Variants in JMY observed in about 807,000 individuals in gnomAD.
JMY encodes junction-mediating and -regulatory protein.
In JMY, 46 loss-of-function variants were observed where a neutral mutation model predicts 103.3. That is an observed-to-expected ratio of 0.45 (90% CI 0.35 to 0.57). The LOEUF (loss-of-function observed/expected upper bound fraction) is 0.57, where lower values mean the gene tolerates loss of function less well. JMY is among the 20% of genes least tolerant of loss of function. The pLI is 0.00. For synonymous variants in JMY, 526 were observed against 489.3 expected, an observed-to-expected ratio of 1.07 and a Z score of -0.99; for missense variants, 1,238 against 1,255.2, an observed-to-expected ratio of 0.99 and a Z score of 0.21.
At chr5:79,290,842 C>T (rs1306958163) in intron 3 of JMY, among the ~76,000 whole-genome samples, 16 of 151,948 alleles carry the variant, frequency 1.1e-4, no homozygotes, top group African/African-American at 3.6e-4. Flanking sequence ...AAAAATTAGC[C>T]GGGCATGGTG....
intron 2 of JMY, among the ~76,000 whole-genome samples, chr5:79,286,915 A>G (rs1318041844): frequency 6.6e-6 from 1 of 152,228 alleles, no homozygotes; most frequent in African/African-American, 2.4e-5. Context: ...GTACTTCCAG[A>G]GGAAGCAATT....
At position 79,314,421 on chromosome 5, in the gene JMY, G is replaced by T; in HGVS notation, c.2229G>T (p.Lys743Asn). 2 of 1,614,170 alleles carry T rather than the reference G, an allele frequency of 1.2e-6. No homozygotes were observed. The highest frequency in any genetic ancestry group is 2.7e-5 in the African/African-American group (2 of 75,040). Reference protein sequence around the residue: ...KTEEVGEGRVKRGPSQTTEPQ... With the variant: ...KTEEVGEGRVNRGPSQTTEPQ... ...AAGAGGTGGGAGAAGGAAGAGTCAA[G>T]CGTGGGCCATCACAGACAACAGAAC... Residue 743 changes from lysine (K) to asparagine (N), a missense_variant, in exon 9 of 11, where the codon AAG (lysine) becomes AAT (asparagine). Lys to Asn is a moderately conservative substitution (Grantham distance 94). Transcript: ENST00000396137.
intron 6 of JMY, among the ~76,000 whole-genome samples, chr5:79,302,389 C>T (rs1746762787): frequency 6.6e-6 from 1 of 152,142 alleles, no homozygotes; most frequent in Non-Finnish European, 1.5e-5. Context: ...AGTCCCTGCT[C>T]CTCCTAGTCT....
intron 1 of JMY, among the ~76,000 whole-genome samples, chr5:79,265,242 C>G (rs1040206072): frequency 4.6e-5 from 7 of 152,102 alleles, no homozygotes; most frequent in African/African-American, 1.2e-4. Flanking sequence ...GTTTTAGATT[C>G]AAGAAAAATG....
intron 8 of JMY, 33 bp downstream of exon 8, chr5:79,312,531 C>CTT (rs35852788): frequency 2.7e-4 from 231 of 857,108 alleles, no homozygotes; most frequent in South Asian, 4.4e-4. Context: ...TATTGTTTTT[C>CTT]TTTTTTTTTT....
chr5:79,255,000 A>G (rs778459274), intron 1 of JMY, among the ~76,000 whole-genome samples: 3 of 151,260 alleles, frequency 2.0e-5, no homozygotes, highest in Non-Finnish European at 4.4e-5. Context: ...CTTTTATTTC[A>G]ATCTCTTTAT....
At chr5:79,309,917 C>G (rs1363663610) in intron 7 of JMY, among the ~76,000 whole-genome samples, 2 of 151,918 alleles carry the variant, frequency 1.3e-5, no homozygotes, top group East Asian at 3.8e-4. Context: ...CAATATATTT[C>G]TTTTTATAAA....
intron 1 of JMY, among the ~76,000 whole-genome samples, chr5:79,252,553 A>G (rs943882177): frequency 3.3e-5 from 5 of 152,126 alleles, no homozygotes; most frequent in Non-Finnish European, 7.4e-5. Flanking sequence ...CCTGCGCTGA[A>G]AGTGGGATGT....
At chr5:79,318,320 A>C (rs1747308753) in intron 10 of JMY, among the ~76,000 whole-genome samples, 2 of 152,068 alleles carry the variant, frequency 1.3e-5, no homozygotes, top group South Asian at 4.2e-4. Flanking sequence ...TGGCCCAAAA[A>C]AAAGAATTCT....
intron 6 of JMY, among the ~76,000 whole-genome samples, chr5:79,304,659 A>G (rs1241108559): frequency 1.3e-5 from 2 of 152,026 alleles, no homozygotes; most frequent in Admixed American, 1.3e-4. Context: ...GCTAACATGA[A>G]GTTATTTATT....
At chr5:79,292,252 GT>G (rs1432094214) in intron 4 of JMY, among the ~76,000 whole-genome samples, 2 of 152,078 alleles carry the variant, frequency 1.3e-5, no homozygotes, top group African/African-American at 2.4e-5. Context: ...GCTCTCTGGA[GT>G]TGTCTTAAAT....
intron 7 of JMY, among the ~76,000 whole-genome samples, chr5:79,309,251 C>T (rs1050907596): frequency 4.6e-5 from 7 of 152,118 alleles, no homozygotes; most frequent in Non-Finnish European, 8.8e-5. Context: ...TCTAGTTTCT[C>T]ACCAGTAAGT....
intron 1 of JMY, among the ~76,000 whole-genome samples, chr5:79,265,880 A>G (rs1460516376): frequency 1.3e-5 from 2 of 150,300 alleles, no homozygotes; most frequent in Admixed American, 6.6e-5. Context: ...TCCCAGGTTC[A>G]AGTGATTCTT....
At chr5:79,267,103 T>G (rs1303747176) in intron 1 of JMY, among the ~76,000 whole-genome samples, 5 of 152,356 alleles carry the variant, frequency 3.3e-5, no homozygotes, top group East Asian at 3.9e-4. Flanking sequence ...GCCTTCAGTC[T>G]TCCCTATTAT....
At chr5:79,278,317 T>C (rs1746006225) in intron 2 of JMY, among the ~76,000 whole-genome samples, 1 of 152,122 alleles carries the variant, frequency 6.6e-6, no homozygotes, top group Non-Finnish European at 1.5e-5. Flanking sequence ...GCCCAGAAAG[T>C]AATGTGTTCA....
chr5:79,284,293 C>G, intron 2 of JMY: 1 of 1,462,082 alleles, frequency 6.8e-7, no homozygotes, highest in Non-Finnish European at 9.5e-7. Context: ...ACTTTTCTAA[C>G]GAAGACATCA....
chr5:79,296,557 C>T (rs1039526642), intron 4 of JMY, among the ~76,000 whole-genome samples: 1 of 152,236 alleles, frequency 6.6e-6, no homozygotes, highest in Non-Finnish European at 1.5e-5. Context: ...TCATAGCTCA[C>T]CACAAGCTCA....
At chr5:79,307,029 G>T (rs896700589) in intron 7 of JMY, among the ~76,000 whole-genome samples, 3 of 152,126 alleles carry the variant, frequency 2.0e-5, no homozygotes, top group Non-Finnish European at 4.4e-5. Flanking sequence ...TATTCAGTTG[G>T]CCTCTTTAAC....
chr5:79,238,990 A>G (rs1029780907), intron 1 of JMY, among the ~76,000 whole-genome samples: 8 of 152,118 alleles, frequency 5.3e-5, no homozygotes, highest in Non-Finnish European at 8.8e-5. Flanking sequence ...TGGTGTTTAT[A>G]TTCCTAAGAT....
Sources: gnomAD v4.1 joint callset for allele counts (sites outside exome capture counted in the v4.1 genomes callset) on GRCh38, gnomAD v4.1.1 for gene constraint, MANE v1.5 for transcripts, NCBI Gene and HGNC (gene_info 2026-07-23, HGNC 2026-07-21) for gene names.